Variants in NLGN1 observed in about 807,000 individuals in gnomAD.
NLGN1 encodes neuroligin-1.
NLGN1 carries 12 observed loss-of-function variants against 65.5 expected under a neutral mutation model. The observed-to-expected ratio is 0.18, with a 90% CI of 0.12 to 0.30. NLGN1 has a LOEUF of 0.30. Ranked by LOEUF, NLGN1 falls within the 10% of genes least tolerant of loss-of-function variation. NLGN1 has a pLI of 1.00. For missense variants in NLGN1, 750 were observed against 1,007.1 expected (o/e 0.74, Z 3.46); for synonymous variants, 350 against 359.5 (o/e 0.97, Z 0.30).
intron 2 of NLGN1, among the ~76,000 whole-genome samples, chr3:173,521,396 C>T (rs531003321): frequency 1.1e-3 from 163 of 151,818 alleles, no homozygotes; most frequent in Middle Eastern, 3.4e-3. Flanking sequence ...AGCCTTCTAT[C>T]CCTACAAACT....
rs550615778 is a variant in NLGN1, at chr3:173,952,976, A to G, written c.646+145144A>G. Reference sequence around the variant, plus strand: ...GTATCTTTAGTAGAGACGGGGTTTCACCATGCTGTCCAGGCTGGTCTTGAA... The same window carrying G: ...GTATCTTTAGTAGAGACGGGGTTTCGCCATGCTGTCCAGGCTGGTCTTGAA... On this transcript the variant is annotated intron_variant, in intron 4 of 6. Transcript: ENST00000457714. Among the ~76,000 whole-genome samples the G allele has an allele frequency of 9.2e-5, 14 of 152,088 alleles. 1 individual carries two copies. The highest frequency in any genetic ancestry group is 3.4e-3 in the Middle Eastern group (1 of 292).
chr3:173,501,224 G>A (rs1731069334), intron 2 of NLGN1, among the ~76,000 whole-genome samples: 1 of 152,006 alleles, frequency 6.6e-6, no homozygotes, highest in Admixed American at 6.6e-5. Flanking sequence ...AGCCCTGCAT[G>A]CATCAGCTAT....
chr3:173,526,843 A>G (rs1262275715), intron 2 of NLGN1, among the ~76,000 whole-genome samples: 4 of 152,200 alleles, frequency 2.6e-5, no homozygotes, highest in Non-Finnish European at 5.9e-5. Context: ...GAGAACATGC[A>G]AAGTTTGTTT....
At chr3:173,404,990 G>A (rs1246227109) in intron 1 of NLGN1, among the ~76,000 whole-genome samples, 2 of 151,966 alleles carry the variant, frequency 1.3e-5, no homozygotes, top group Non-Finnish European at 2.9e-5. Flanking sequence ...AATAGATATA[G>A]ATTTTTAACA....
chr3:173,969,718 T>C (rs1715753223), intron 4 of NLGN1, among the ~76,000 whole-genome samples: 1 of 152,150 alleles, frequency 6.6e-6, no homozygotes, highest in South Asian at 2.1e-4. Context: ...TTAAATCTAA[T>C]ATAAGTCTAT....
rs63224363 is a variant in NLGN1, at chr3:173,947,059, A to ATTT, written c.646+139244_646+139246dup. 3.2e-3 allele frequency among the ~76,000 whole-genome samples: 431 copies of ATTT among 134,898 alleles called. 3 individuals are homozygous for ATTT. The highest frequency in any genetic ancestry group is 0.011 in the African/African-American group (394 of 36,090). The allele number at this position is 134,898 out of a possible 152,430, so 88.5% of individuals were successfully genotyped here. A position where few individuals can be genotyped will look rare whatever the true frequency, so the allele number is the denominator to read the frequency against. ...GATTAACTATCTAGCAGTTGTTAGG[A>ATTT]TTTTTTTTTTTTTTTTTTTGAGACA... On this transcript the variant is annotated intron_variant, in intron 4 of 6. Coordinates refer to ENST00000457714, the Ensembl canonical transcript of NLGN1.
At chr3:173,461,954 GA>G (rs535492514) in intron 2 of NLGN1, among the ~76,000 whole-genome samples, 53 of 152,188 alleles carry the variant, frequency 3.5e-4, no homozygotes, top group African/African-American at 1.3e-3. Flanking sequence ...AAAGAAATCA[GA>G]TAAAGCCTGT....
At chr3:174,174,643 C>T (rs1729121964) in intron 4 of NLGN1, among the ~76,000 whole-genome samples, 2 of 152,096 alleles carry the variant, frequency 1.3e-5, no homozygotes, top group South Asian at 4.1e-4. Flanking sequence ...ATTGTCTATT[C>T]ATGTCCTTAG....
At chr3:173,952,431 G>C (rs1364514160) in intron 4 of NLGN1, among the ~76,000 whole-genome samples, 1 of 152,136 alleles carries the variant, frequency 6.6e-6, no homozygotes, top group Non-Finnish European at 1.5e-5. Context: ...AATCTTGTCA[G>C]ATTTTACTCT....
At chr3:173,507,050 G>C (rs1732145473) in intron 2 of NLGN1, among the ~76,000 whole-genome samples, 1 of 152,046 alleles carries the variant, frequency 6.6e-6, no homozygotes, top group Non-Finnish European at 1.5e-5. Context: ...TCTCACTTCA[G>C]GCTGAAACAG....
In NLGN1 at chr3:174,279,460, G is replaced by A; in HGVS notation, c.1459G>A (p.Ala487Thr). Reference sequence around the variant, plus strand: ...CTTTGGTTCACCTACGTACTTCTATGCCTTTTACCATCATTGCCAAACAGA... The same window carrying A: ...CTTTGGTTCACCTACGTACTTCTATACCTTTTACCATCATTGCCAAACAGA... Residue 487 changes from alanine (A) to threonine (T), a missense_variant, in exon 6 of 7, where the codon GCC becomes ACC. By Grantham distance (58) the Ala-to-Thr change is moderately conservative. Coordinates refer to ENST00000457714, the Ensembl canonical transcript of NLGN1. The surrounding 1 kb of genome is among the most constrained non-coding windows in gnomAD (Gnocchi z 4.7). The A allele has an allele frequency of 6.2e-7, 1 of 1,613,262 alleles. No individual in the cohort carries two copies. The highest frequency in any genetic ancestry group is 1.3e-5 in the African/African-American group (1 of 74,968).
chr3:173,786,161 C>A (rs919928231), intron 3 of NLGN1, among the ~76,000 whole-genome samples: 1 of 152,094 alleles, frequency 6.6e-6, no homozygotes, highest in African/African-American at 2.4e-5. Flanking sequence ...GTTGGAGAAG[C>A]ACTTTCTAGA....
intron 3 of NLGN1, among the ~76,000 whole-genome samples, chr3:173,626,785 C>G (rs540987341): frequency 6.6e-6 from 1 of 152,146 alleles, no homozygotes; most frequent in East Asian, 1.9e-4. Flanking sequence ...ACAAACTTGT[C>G]ACACCTTTTC....
intron 3 of NLGN1, among the ~76,000 whole-genome samples, chr3:173,766,088 CTTT>C (rs34830188): frequency 3.7e-5 from 5 of 135,882 alleles, no homozygotes; most frequent in South Asian, 2.3e-4. Flanking sequence ...TATGTTTTGT[CTTT>C]TTTTTTTTTT....
chr3:174,263,585 G>C (rs766532054), intron 4 of NLGN1, among the ~76,000 whole-genome samples: 1 of 151,964 alleles, frequency 6.6e-6, no homozygotes, highest in Non-Finnish European at 1.5e-5. Context: ...GTCTCTGCAC[G>C]TGAGATGGGA....
chr3:173,776,244 A>G (rs1444860932), intron 3 of NLGN1, among the ~76,000 whole-genome samples: 1 of 152,048 alleles, frequency 6.6e-6, no homozygotes, highest in Non-Finnish European at 1.5e-5. Flanking sequence ...AGTACCACCT[A>G]TCATCTGCAA....
At chr3:173,758,970 G>A (rs1777548285) in intron 3 of NLGN1, among the ~76,000 whole-genome samples, 1 of 151,744 alleles carries the variant, frequency 6.6e-6, no homozygotes. Context: ...TAATTTTATT[G>A]CCTTTATTGA....
intron 2 of NLGN1, among the ~76,000 whole-genome samples, chr3:173,581,974 C>T (rs1393768974): frequency 1.3e-5 from 2 of 151,952 alleles, no homozygotes; most frequent in Admixed American, 1.3e-4. Context: ...CCCACAGTAA[C>T]CTCTACCCTG....
chr3:173,832,071 C>T (rs1722694258), intron 4 of NLGN1, among the ~76,000 whole-genome samples: 1 of 151,642 alleles, frequency 6.6e-6, no homozygotes, highest in South Asian at 2.1e-4. Flanking sequence ...GATCTTTCCA[C>T]CTCAACCTCT....
Sources: gnomAD v4.1 joint callset for allele counts (sites outside exome capture counted in the v4.1 genomes callset) on GRCh38, gnomAD v4.1.1 for gene constraint, Gnocchi (gnomAD v3.1) non-coding constraint, MANE v1.5 for transcripts, NCBI Gene and HGNC (gene_info 2026-07-23, HGNC 2026-07-21) for gene names.